The following SDK1 variants were observed in gnomAD, a reference collection of about 807,000 sequenced individuals.
SDK1 encodes the protein protein sidekick-1.
A neutral mutation model predicts 245.5 loss-of-function variants in SDK1; 157 were observed. The ratio of observed to expected loss-of-function variants is 0.64; its 90% CI spans 0.56 to 0.73. SDK1 has a LOEUF of 0.73. Ranked by LOEUF, SDK1 falls within the 30% of genes least tolerant of loss-of-function variation. SDK1 has a pLI of 0.00. For missense variants in SDK1, 3,583 were observed against 3,002.3 expected (o/e 1.19, Z -4.52); for synonymous variants, 1,647 against 1,278.5 (o/e 1.29, Z -6.15).
chr7:3,460,768 T>G (rs1780809502), intron 1 of SDK1, among the ~76,000 whole-genome samples: 1 of 152,156 alleles, frequency 6.6e-6, no homozygotes, highest in African/African-American at 2.4e-5. Flanking sequence ...GCCAGCCCAA[T>G]TGTTATAAAT....
chr7:3,639,581 A>G (rs190865382), intron 3 of SDK1, among the ~76,000 whole-genome samples: 3 of 152,324 alleles, frequency 2.0e-5, no homozygotes. Flanking sequence ...ATAGTGATTT[A>G]TTAATTCTTT....
chr7:4,204,960 T>C (rs531344811), intron 35 of SDK1, among the ~76,000 whole-genome samples: 1 of 152,304 alleles, frequency 6.6e-6, no homozygotes, highest in Non-Finnish European at 1.5e-5. Context: ...AATGGCTGTG[T>C]GGTGAGGTGC....
intron 5 of SDK1, among the ~76,000 whole-genome samples, chr7:3,848,643 A>G (rs41870): frequency 0.21 from 31,388 of 151,874 alleles, 4,096 homozygotes; most frequent in Non-Finnish European, 0.28. Flanking sequence ...CACCCAGGCC[A>G]CGTTCTGCAA....
At chr7:3,574,805 G>A (rs1780232932) in intron 1 of SDK1, among the ~76,000 whole-genome samples, 1 of 152,082 alleles carries the variant, frequency 6.6e-6, no homozygotes, top group Non-Finnish European at 1.5e-5. Flanking sequence ...GATGATGAAA[G>A]GTGACAGAAA....
Position 4,221,322 on chromosome 7 carries a change from G to A in SDK1, c.5785G>A (p.Asp1929Asn), listed in dbSNP as rs138167783. Reference protein sequence around the residue: ...TLQWTEGHSGDTPTTGYVIEA... With the variant: ...TLQWTEGHSGNTPTTGYVIEA... ...GCAGTGGACTGAGGGACACTCTGGC[G>A]ACACACCTACCACGGGCTATGTGAT... is the stretch of plus-strand genomic sequence containing the variant. Residue 1929 changes from aspartate to asparagine, a missense_variant, in exon 40 of 45, where the codon GAC becomes AAC. Transcript: ENST00000404826. The A allele has an allele frequency of 1.5e-4, 242 of 1,612,956 alleles. No homozygotes were observed. The highest frequency in any genetic ancestry group is 2.0e-4 in the Non-Finnish European group (235 of 1,179,712).
chr7:3,350,074 C>A (rs1375485714), intron 1 of SDK1, among the ~76,000 whole-genome samples: 4 of 152,092 alleles, frequency 2.6e-5, no homozygotes, highest in Admixed American at 1.3e-4. Context: ...AAAGGTCATG[C>A]TATTGGTGAT....
At chr7:3,470,614 A>G (rs1291354887) in intron 1 of SDK1, among the ~76,000 whole-genome samples, 2 of 152,170 alleles carry the variant, frequency 1.3e-5, no homozygotes. Context: ...TGACTTTGGC[A>G]GTATGAAAGG....
intron 4 of SDK1, among the ~76,000 whole-genome samples, chr7:3,723,174 A>C (rs1188160358): frequency 6.6e-6 from 1 of 152,174 alleles, no homozygotes; most frequent in Non-Finnish European, 1.5e-5. Context: ...CTGTACTCAA[A>C]ATTGAGCTTT....
At chr7:3,391,871 C>T (rs145687275) in intron 1 of SDK1, among the ~76,000 whole-genome samples, 1 of 151,662 alleles carries the variant, frequency 6.6e-6, no homozygotes, top group Non-Finnish European at 1.5e-5. Flanking sequence ...TCAAGCAATG[C>T]ACCTGCGTTG....
chr7:4,268,105 CCGCTCT>C lies in SDK1; in HGVS notation c.*2723_*2728del. ...AAGCCAGGCTAGATGGAATGTGCTC[CCGCTCT>C]CTCCTGCCGTGCTGAAAGTCATGCC... On this transcript the variant is annotated 3_prime_UTR_variant, in exon 45 of 45. Coordinates refer to ENST00000404826, the MANE Select transcript of SDK1 (RefSeq NM_152744.4). 1 of 985,574 alleles carries C rather than the reference CCGCTCT, an allele frequency of 1.0e-6. No individual in the cohort carries two copies. The highest frequency in any genetic ancestry group is 1.2e-6 in the Non-Finnish European group (1 of 830,034). 61.1% of individuals were successfully genotyped at this position (985,574 alleles called of 1,614,324 possible). A position where few individuals can be genotyped will look rare whatever the true frequency, so the allele number is the denominator to read the frequency against.
chr7:3,857,304 A>G (rs548319345), intron 5 of SDK1, among the ~76,000 whole-genome samples: 18 of 152,274 alleles, frequency 1.2e-4, no homozygotes, highest in Admixed American at 1.0e-3. Context: ...GAGAAAGGGG[A>G]AAAAGAAACT....
intron 1 of SDK1, among the ~76,000 whole-genome samples, chr7:3,491,321 C>T (rs1025178246): frequency 6.6e-6 from 1 of 152,172 alleles, no homozygotes; most frequent in Admixed American, 6.5e-5. Flanking sequence ...ACTTTCTTCT[C>T]CAACCATTTA....
At chr7:3,900,983 T>A (rs1781770218) in intron 5 of SDK1, among the ~76,000 whole-genome samples, 1 of 152,196 alleles carries the variant, frequency 6.6e-6, no homozygotes, top group South Asian at 2.1e-4. Context: ...TCTTTTTCAA[T>A]TCTAGCGTCC....
intron 1 of SDK1, among the ~76,000 whole-genome samples, chr7:3,375,465 A>G (rs890174683): frequency 3.3e-5 from 5 of 152,180 alleles, no homozygotes; most frequent in Non-Finnish European, 7.3e-5. Flanking sequence ...TAGTATTCTT[A>G]TCCGTGTATA....
chr7:3,645,317 A>G (rs1782794414), intron 4 of SDK1, among the ~76,000 whole-genome samples: 1 of 152,208 alleles, frequency 6.6e-6, no homozygotes, highest in African/African-American at 2.4e-5. Flanking sequence ...GCAGTATACC[A>G]TTTTTTAAAG....
At chr7:3,313,235 C>T (rs1022049622) in intron 1 of SDK1, among the ~76,000 whole-genome samples, 1 of 152,120 alleles carries the variant, frequency 6.6e-6, no homozygotes, top group Non-Finnish European at 1.5e-5. Flanking sequence ...GGTGAAATGC[C>T]ATCTTTACTA....
intron 1 of SDK1, among the ~76,000 whole-genome samples, chr7:3,420,355 A>G (rs1276090947): frequency 2.0e-5 from 3 of 152,234 alleles, no homozygotes; most frequent in Non-Finnish European, 2.9e-5. Flanking sequence ...AGGGAAAACT[A>G]CAACTCAGAT....
At chr7:3,688,971 A>G (rs1002069982) in intron 4 of SDK1, among the ~76,000 whole-genome samples, 3 of 152,198 alleles carry the variant, frequency 2.0e-5, no homozygotes, top group Admixed American at 6.5e-5. Context: ...ACTACTGCCC[A>G]AGGGGCCAAT....
At chr7:3,562,166 C>G (rs1044489408) in intron 1 of SDK1, among the ~76,000 whole-genome samples, 2 of 152,152 alleles carry the variant, frequency 1.3e-5, no homozygotes, top group Non-Finnish European at 2.9e-5. Flanking sequence ...CTGCATAGCA[C>G]CCTAGTGAAA....
Sources: gnomAD v4.1 joint callset for allele counts (sites outside exome capture counted in the v4.1 genomes callset) on GRCh38, gnomAD v4.1.1 for gene constraint, MANE v1.5 for transcripts, NCBI Gene and HGNC (gene_info 2026-07-23, HGNC 2026-07-21) for gene names.